SLC48A1: variants seen among roughly 807,000 people sequenced by gnomAD.
The protein encoded by SLC48A1 is solute carrier family 48 member 1.
Under a neutral mutation model 14.8 loss-of-function variants are expected in SLC48A1, and 6 were observed. The ratio of observed to expected loss-of-function variants is 0.41; its 90% CI spans 0.22 to 0.80. The LOEUF (loss-of-function observed/expected upper bound fraction) is 0.80, where lower values mean the gene tolerates loss of function less well. Among genes scored for constraint, SLC48A1 ranks in the 30% least tolerant of loss-of-function variants. The pLI, the probability that SLC48A1 is intolerant of heterozygous loss-of-function variation, is 0.34. For synonymous variants in SLC48A1, 89 were observed against 90.0 expected, an observed-to-expected ratio of 0.99 and a Z score of 0.06; for missense variants, 165 against 204.8, an observed-to-expected ratio of 0.81 and a Z score of 1.19.
chr12:47,770,582 T>G (rs1942608598), upstream of SLC48A1, among the ~76,000 whole-genome samples: 1 of 152,188 alleles, frequency 6.6e-6, no homozygotes, highest in Admixed American at 6.5e-5. Flanking sequence ...GTTACTGCAG[T>G]CTCCATTTTA....
At chr12:47,768,932 A>C (rs1479049781), upstream of SLC48A1, 4 of 152,220 alleles carry the variant, frequency 2.6e-5, no homozygotes, top group Admixed American at 2.6e-4. Context: ...AGCCACTGAC[A>C]CTTCTCACTC....
intron 2 of SLC48A1, among the ~76,000 whole-genome samples, chr12:47,764,844 C>G (rs1479914796): frequency 6.6e-6 from 1 of 151,994 alleles, no homozygotes; most frequent in Non-Finnish European, 1.5e-5. Flanking sequence ...TTTGGGAGGC[C>G]AAGGCGGGTG....
At chr12:47,779,718 G>C (rs552351652) in intron 2 of SLC48A1, among the ~76,000 whole-genome samples, 12 of 152,320 alleles carry the variant, frequency 7.9e-5, no homozygotes, top group East Asian at 7.7e-4. Flanking sequence ...GAACAGTAGT[G>C]GTCCGTGGCC....
intron 2 of SLC48A1, among the ~76,000 whole-genome samples, chr12:47,779,477 G>A (rs754196646): frequency 9.2e-5 from 14 of 152,212 alleles, no homozygotes; most frequent in Non-Finnish European, 1.9e-4. Flanking sequence ...TGGGATGGGA[G>A]CGCCCTCTGG....
chr12:47,755,104 T>C (rs1278748346), upstream of SLC48A1, among the ~76,000 whole-genome samples: 2 of 152,204 alleles, frequency 1.3e-5, no homozygotes, highest in African/African-American at 4.8e-5. Flanking sequence ...TCAGTGTTAC[T>C]GTTCGTAGCA....
rs368423452 is a variant in SLC48A1, at chr12:47,761,066, G to A, written c.-187+665G>A. 1.4e-4 allele frequency among the ~76,000 whole-genome samples: 22 copies of A among 152,150 alleles called. No homozygotes were observed. In the South Asian group the frequency reaches 2.3e-3, roughly 16 times the overall value. On this transcript the variant is annotated intron_variant, in intron 2 of 4. Transcript: ENST00000547002. ...ACAAAAATTAGCCAGGCGTGGTGGC[G>A]TGCGCCTGGAATCCCAGCTACTCAG...
At chr12:47,760,078 A>T (rs1228450213) in intron 1 of SLC48A1, 2 of 412,690 alleles carry the variant, frequency 4.8e-6, no homozygotes, top group African/African-American at 2.2e-5. Context: ...AATTGTGATT[A>T]AAATCCCATT....
chr12:47,767,348 G>T (rs1942538051), upstream of SLC48A1, among the ~76,000 whole-genome samples: 1 of 152,186 alleles, frequency 6.6e-6, no homozygotes, highest in African/African-American at 2.4e-5. Flanking sequence ...CAGGGTCAAA[G>T]AATTATTTAT....
chr12:47,764,691 C>T (rs985124877), intron 2 of SLC48A1, among the ~76,000 whole-genome samples: 5 of 152,226 alleles, frequency 3.3e-5, no homozygotes, highest in Non-Finnish European at 7.3e-5. Flanking sequence ...CCAAATCCCA[C>T]TCTGGAAGTA....
chr12:47,773,168 C>T (rs1356679308), upstream of SLC48A1: 7 of 984,134 alleles, frequency 7.1e-6, no homozygotes, highest in South Asian at 4.5e-5. Flanking sequence ...GTGCGGGCGG[C>T]GCTGGGGGCG....
Position 47,779,024 on chromosome 12 carries a change from G to A in SLC48A1, c.137-4G>A, listed in dbSNP as rs1942808017. The A allele has an allele frequency of 1.9e-6, 3 of 1,551,210 alleles. No individual in the cohort carries two copies. The highest frequency in any genetic ancestry group is 1.7e-4 in the Middle Eastern group (1 of 6,010). ...GGATGGGCCCTGATGTGTCTCTCCT[G>A]CAGGGGTGCTGGCACTGTGGGTCCT... On this transcript the variant is annotated splice_polypyrimidine_tract_variant and splice_region_variant and intron_variant, in intron 1 of 2. Transcript: ENST00000442218.
At chr12:47,771,356 T>C (rs999847304), upstream of SLC48A1, among the ~76,000 whole-genome samples, 1 of 152,208 alleles carries the variant, frequency 6.6e-6, no homozygotes, top group African/African-American at 2.4e-5. Flanking sequence ...CTTTTAGATG[T>C]TGATGTGAAC....
At chr12:47,779,813 A>AT (rs1942828453) in intron 2 of SLC48A1, among the ~76,000 whole-genome samples, 1 of 152,224 alleles carries the variant, frequency 6.6e-6, no homozygotes, top group Non-Finnish European at 1.5e-5. Flanking sequence ...AGCGGCGGGC[A>AT]TTAGAAGCGC....
chr12:47,770,572 G>A (rs983058664), upstream of SLC48A1, among the ~76,000 whole-genome samples: 1 of 152,224 alleles, frequency 6.6e-6, no homozygotes, highest in African/African-American at 2.4e-5. Context: ...TGAAGTAGGT[G>A]TTACTGCAGT....
chr12:47,775,003 A>G (rs1435707792), intron 1 of SLC48A1, among the ~76,000 whole-genome samples: 1 of 152,242 alleles, frequency 6.6e-6, no homozygotes, highest in Non-Finnish European at 1.5e-5. Flanking sequence ...AAGGATGAGC[A>G]GGGAGGGCCA....
At chr12:47,770,022 C>A (rs1481364293), upstream of SLC48A1, among the ~76,000 whole-genome samples, 1 of 152,136 alleles carries the variant, frequency 6.6e-6, no homozygotes, top group Admixed American at 6.5e-5. Flanking sequence ...TATTTTCTTC[C>A]AGGCAGAAAG....
At chr12:47,758,802 C>A in intron 1 of SLC48A1, 2 of 1,229,972 alleles carry the variant, frequency 1.6e-6, no homozygotes, top group South Asian at 6.8e-5. Flanking sequence ...CAGCCACCGG[C>A]GACAGGGAGC....
intron 2 of SLC48A1, among the ~76,000 whole-genome samples, chr12:47,761,817 C>G (rs946987845): frequency 2.0e-5 from 3 of 152,204 alleles, no homozygotes; most frequent in African/African-American, 7.2e-5. Context: ...TATATATTCA[C>G]TGACTGAATT....
At chr12:47,771,491 G>C (rs964781113), upstream of SLC48A1, 1 of 152,964 alleles carries the variant, frequency 6.5e-6, no homozygotes, top group African/African-American at 2.4e-5. Flanking sequence ...CACCTTCCAC[G>C]GCAAAGGGAT....
Sources: gnomAD v4.1 joint callset for allele counts (sites outside exome capture counted in the v4.1 genomes callset) on GRCh38, gnomAD v4.1.1 for gene constraint, MANE v1.5 for transcripts, NCBI Gene and HGNC (gene_info 2026-07-23, HGNC 2026-07-21) for gene names.